The following DLEC1 variants were observed in gnomAD, a reference collection of about 807,000 sequenced individuals.
DLEC1 encodes the protein DLEC1 cilia and flagella associated protein, also known as deleted in lung and esophageal cancer protein 1.
A neutral mutation model predicts 198.1 loss-of-function variants in DLEC1; 146 were observed. That is an observed-to-expected ratio of 0.74 (90% CI 0.64 to 0.85). The LOEUF (loss-of-function observed/expected upper bound fraction) is 0.85, where lower values mean the gene tolerates loss of function less well. Ranked by LOEUF, DLEC1 falls within the 40% of genes least tolerant of loss-of-function variation. The probability of loss-of-function intolerance (pLI) is 0.00; values close to 1 mark genes in which losing one functional copy is unlikely to be tolerated. For missense variants in DLEC1, 2,233 were observed against 2,220.0 expected (o/e 1.01, Z -0.12); for synonymous variants, 897 against 866.8 (o/e 1.03, Z -0.61).
chr3:38,116,943 G>A (rs1390353307), intron 29 of DLEC1, 32 bp from the exon 30 acceptor site: 1 of 1,612,846 alleles, frequency 6.2e-7, no homozygotes, highest in African/African-American at 1.3e-5. Context: ...AGTGGGCATG[G>A]GACAGTGCTA....
rs370806149 is a variant in DLEC1, at chr3:38,088,270, T to C, written c.1573-26T>C. 6.2e-6 allele frequency: 10 copies of C among 1,602,266 alleles called. No individual in the cohort carries two copies. In the African/African-American group the frequency reaches 1.3e-4, roughly 21 times the overall value. On this transcript the variant is annotated intron_variant, in intron 9 of 36. Coordinates refer to ENST00000308059, the MANE Select transcript of DLEC1 (RefSeq NM_007335.4). ...CTGGCTTTTACAATGTCTTCCACAC[T>C]GTTGGGTAATCTGCTTTTCTTTAAG...
At chr3:38,052,022 G>C (rs1157022135) in intron 2 of DLEC1, 1 of 199,308 alleles carries the variant, frequency 5.0e-6, no homozygotes, top group Non-Finnish European at 1.1e-5. Context: ...GCTGACAGAA[G>C]TCATTGTGGC....
chr3:38,122,128 T>G lies in DLEC1; in HGVS notation c.5078T>G (p.Leu1693Arg). Residue 1693 changes from leucine to arginine, a missense_variant, in exon 36 of 37, where the codon CTG becomes CGG. By Grantham distance (102) the Leu-to-Arg change is moderately radical (BLOSUM62 -2). Coordinates refer to ENST00000308059, the MANE Select transcript of DLEC1 (RefSeq NM_007335.4). Reference protein sequence around the residue: ...VAFRVSPNSGLLEARSANAPP... With the variant: ...VAFRVSPNSGRLEARSANAPP... The stretch of plus-strand genomic sequence containing the variant: ...TTCAGGGTCTCCCCAAACAGTGGGC[T>G]GCTAGAAGCACGATCCGCCAATGCA... 1 of 1,614,146 alleles carries G rather than the reference T, an allele frequency of 6.2e-7. No individual in the cohort carries two copies. The highest frequency in any genetic ancestry group is 8.5e-7 in the Non-Finnish European group (1 of 1,179,970).
At chr3:38,111,363 C>T (rs776445076) in intron 23 of DLEC1, among the ~76,000 whole-genome samples, 3 of 152,178 alleles carry the variant, frequency 2.0e-5, no homozygotes, top group Non-Finnish European at 4.4e-5. Context: ...GGTTTGTGTC[C>T]AGGAGTAACC....
chr3:38,109,924 G>A (rs1699772995), intron 22 of DLEC1, 175 bp from the exon 23 acceptor site: 5 of 754,486 alleles, frequency 6.6e-6, no homozygotes, highest in Non-Finnish European at 8.4e-6. Flanking sequence ...GCCTCTCTCA[G>A]CATCATGGGT....
In DLEC1 at chr3:38,122,352, C is replaced by G. The variant is rs1387021103; in HGVS notation, c.5208C>G (p.Thr1736=). 1 of 1,614,154 alleles carries G rather than the reference C, an allele frequency of 6.2e-7. No homozygotes were observed. Among genetic ancestry groups the G allele is most frequent in the East Asian group, 2.2e-5 (1 of 44,884 alleles). The stretch of plus-strand genomic sequence containing the variant: ...GTGTGCTCGGTGAGAAGTCCTGCAC[C>G]CTGCGGCTCCGGGGCCAAGGCTCCT... ...VEGVLGEKSC[T]LRLRGQGSYD... Residue 1736 remains threonine, a synonymous_variant, in exon 37 of 37, where the codon ACC becomes ACG. Transcript: ENST00000308059.
intron 13 of DLEC1, 128 bp downstream of exon 13, chr3:38,095,199 C>A: frequency 8.2e-7 from 1 of 1,213,166 alleles, no homozygotes; most frequent in Non-Finnish European, 1.2e-6. Context: ...CAGGCCAGCA[C>A]TTGGCTGAGT....
At chr3:38,072,197 A>G (rs528530378) in intron 6 of DLEC1, among the ~76,000 whole-genome samples, 3 of 152,228 alleles carry the variant, frequency 2.0e-5, no homozygotes, top group Middle Eastern at 3.2e-3. Context: ...GAACAATGGT[A>G]ACTGTGGGAG....
At position 38,097,514 on chromosome 3, in the gene DLEC1, T is replaced by C. The variant is rs1699088574; in HGVS notation, c.2442T>C (p.Ser814=). 1 of 1,614,138 alleles carries C rather than the reference T, an allele frequency of 6.2e-7. No individual in the cohort carries two copies. The highest frequency in any genetic ancestry group is 8.5e-7 in the Non-Finnish European group (1 of 1,179,992). ...CTTTCCCTCTCTTCTCAGAGCCCAGTGAGGTCGGGGATTTTGAGTTGAACT... is the reference window on the plus strand; with the variant it reads ...CTTTCCCTCTCTTCTCAGAGCCCAGCGAGGTCGGGGATTTTGAGTTGAACT... ...VEPGTGVIEP[S]EVGDFELNFT... Residue 814 remains serine (S), a synonymous_variant, in exon 17 of 37, where the codon AGT becomes AGC. Coordinates refer to ENST00000308059, the MANE Select transcript of DLEC1 (RefSeq NM_007335.4).
intron 13 of DLEC1, 197 bp downstream of exon 13, chr3:38,095,268 TCCCAGACTCA>T: frequency 1.6e-6 from 1 of 621,832 alleles, no homozygotes; most frequent in Non-Finnish European, 2.8e-6. Flanking sequence ...CTGGTCCTGA[TCCCAGACTCA>T]CCCCATCTGC....
intron 19 of DLEC1, among the ~76,000 whole-genome samples, chr3:38,102,014 C>T (rs538821509): frequency 2.2e-4 from 34 of 152,316 alleles, no homozygotes; most frequent in African/African-American, 5.5e-4. Flanking sequence ...CATTGGCTCA[C>T]GTAACTGGGC....
Position 38,084,208 on chromosome 3 carries a change from C to T in DLEC1, c.1224C>T (p.Val408=), listed in dbSNP as rs754728579. The T allele has an allele frequency of 6.2e-7, 1 of 1,613,116 alleles. No homozygotes were observed. Among genetic ancestry groups the T allele is most frequent in the South Asian group, 1.1e-5 (1 of 91,060 alleles). ...CCACGACCAGCCGCTACCTGCGAGT[C>T]CTCCCGCCTTCCACGCCATACTTCG... ...NTTTTSRYLR[V]LPPSTPYFAL... is the part of the protein sequence containing the mutation. Residue 408 remains valine (V), a synonymous_variant, in exon 7 of 37, where the codon GTC becomes GTT. Transcript: ENST00000308059.
rs2125727792 is a variant in DLEC1 at position 38,111,669 on chromosome 3, T to C, written c.3444-8T>C. The C allele has an allele frequency of 3.1e-6, 5 of 1,612,620 alleles. No individual in the cohort carries two copies. The East Asian group carries it at 8.9e-5, about 29-fold the overall frequency. ...CTTGATACTATTTCTGTGTCTCCAC[T>C]TGTAAAGTCCCAACATGCCTCCTGC... On this transcript the variant is annotated splice_polypyrimidine_tract_variant and splice_region_variant and intron_variant, in intron 23 of 36. Transcript: ENST00000308059.
intron 6 of DLEC1, among the ~76,000 whole-genome samples, chr3:38,068,251 A>G (rs1310767063): frequency 6.6e-6 from 1 of 151,790 alleles, no homozygotes; most frequent in African/African-American, 2.4e-5. Context: ...TTTTTTTGAA[A>G]TAAGGTCTGG....
rs1449914188 is a variant in DLEC1 at position 38,081,544 on chromosome 3, C to T, written c.1174-2614C>T. ...CCGGGCAGAGGCGCCCCTCACCTCCCGGATGGGGCGGCTGGCCGGGCAGGG... is the reference window on the plus strand; with the variant it reads ...CCGGGCAGAGGCGCCCCTCACCTCCTGGATGGGGCGGCTGGCCGGGCAGGG... On this transcript the variant is annotated intron_variant, in intron 6 of 36. Coordinates refer to ENST00000308059, the MANE Select transcript of DLEC1 (RefSeq NM_007335.4). Among the ~76,000 whole-genome samples the T allele has an allele frequency of 3.9e-5, 4 of 101,948 alleles. 1 individual carries two copies. The highest frequency in any genetic ancestry group is 8.9e-5 in the African/African-American group (2 of 22,348). 66.9% of individuals were successfully genotyped at this position (101,948 alleles called of 152,430 possible). A position where few individuals can be genotyped will look rare whatever the true frequency, so the allele number is the denominator to read the frequency against.
In DLEC1 at chr3:38,093,772, G is replaced by C; in HGVS notation, c.1919+5G>C. 9 of 1,613,638 alleles carry C rather than the reference G, an allele frequency of 5.6e-6. No individual in the cohort carries two copies. The highest frequency in any genetic ancestry group is 7.6e-6 in the Non-Finnish European group (9 of 1,179,968). On this transcript the variant is annotated splice_donor_5th_base_variant and intron_variant, in intron 12 of 36. Transcript: ENST00000308059. ...GCTGATTATTAGAAATGCTACGTGG[G>C]TAACCCCTGTGTGTGCCCCAATACC...
intron 6 of DLEC1, among the ~76,000 whole-genome samples, chr3:38,068,483 G>A (rs534378441): frequency 3.9e-5 from 6 of 152,268 alleles, no homozygotes; most frequent in South Asian, 2.1e-4. Context: ...CACCCGCCTC[G>A]GCTTCCTAAA....
At chr3:38,100,237 A>C (rs1699233612) in intron 18 of DLEC1, 49 bp from the exon 19 acceptor site, 1 of 1,545,476 alleles carries the variant, frequency 6.5e-7, no homozygotes, top group Non-Finnish European at 8.7e-7. Flanking sequence ...GTTCCTCTGC[A>C]ATTCCAAGTG....
intron 6 of DLEC1, among the ~76,000 whole-genome samples, chr3:38,067,870 A>G (rs1180937034): frequency 6.7e-6 from 1 of 149,370 alleles, no homozygotes; most frequent in African/African-American, 2.5e-5. Context: ...CTCCCACTTC[A>G]GCCTCCTGTG....
Sources: allele counts gnomAD v4.1 joint callset (sites outside exome capture counted in the v4.1 genomes callset), GRCh38; gene constraint gnomAD v4.1.1; transcripts MANE v1.5; gene names NCBI Gene and HGNC (gene_info 2026-07-23, HGNC 2026-07-21).